Variants in HIVEP1 observed in about 807,000 individuals in gnomAD.
HIVEP1 encodes the protein HIVEP zinc finger 1, also known as zinc finger protein 40.
Under a neutral mutation model 180.0 loss-of-function variants are expected in HIVEP1, and 36 were observed. The observed-to-expected ratio is 0.20, with a 90% confidence interval of 0.15 to 0.26. The LOEUF (loss-of-function observed/expected upper bound fraction) is 0.26, where lower values mean the gene tolerates loss of function less well. Among genes scored for constraint, HIVEP1 ranks in the 10% least tolerant of loss-of-function variants. The probability of loss-of-function intolerance (pLI) is 1.00; values close to 1 mark genes in which losing one functional copy is unlikely to be tolerated. For missense variants in HIVEP1, 3,143 were observed against 3,268.7 expected (o/e 0.96, Z 0.94); for synonymous variants, 1,239 against 1,239.0 (o/e 1.00, Z 0.00).
intron 2 of HIVEP1, among the ~76,000 whole-genome samples, chr6:12,081,854 G>A (rs1188968769): frequency 2.0e-5 from 3 of 151,902 alleles, no homozygotes; most frequent in Admixed American, 1.3e-4. Context: ...CCTCTGTCCT[G>A]TCCCATAACT....
At chr6:12,037,423 T>G (rs1414000909) in intron 2 of HIVEP1, among the ~76,000 whole-genome samples, 1 of 152,218 alleles carries the variant, frequency 6.6e-6, no homozygotes, top group Non-Finnish European at 1.5e-5. Context: ...CAGCGATGAT[T>G]TTCCTGAGAC....
intron 2 of HIVEP1, among the ~76,000 whole-genome samples, chr6:12,032,356 A>C (rs1357901640): frequency 2.6e-5 from 4 of 151,896 alleles, no homozygotes; most frequent in Non-Finnish European, 4.4e-5. Context: ...GTTAGCCAGG[A>C]TGGTCTCGAT....
chr6:12,183,230 A>G, the HIVEP1 span, among the ~76,000 whole-genome samples: 1 of 152,244 alleles, frequency 6.6e-6, no homozygotes. Context: ...GGAAAACTTG[A>G]GAACAAGAGA....
chr6:12,091,347 T>A (rs934652836), intron 3 of HIVEP1, among the ~76,000 whole-genome samples: 2 of 152,128 alleles, frequency 1.3e-5, no homozygotes, highest in Admixed American at 6.5e-5. Flanking sequence ...CATTGCTTTT[T>A]AAAAAAATTA....
intron 4 of HIVEP1, among the ~76,000 whole-genome samples, chr6:12,126,208 T>C (rs1758061381): frequency 6.6e-6 from 1 of 152,248 alleles, no homozygotes; most frequent in Non-Finnish European, 1.5e-5. Context: ...TTTGTTTTTC[T>C]TGTTAAGTGA....
At chr6:12,013,251 C>G (rs1767505057) in intron 1 of HIVEP1, among the ~76,000 whole-genome samples, 1 of 152,246 alleles carries the variant, frequency 6.6e-6, no homozygotes, top group Admixed American at 6.5e-5. Flanking sequence ...TTCAGTGCAG[C>G]GTTGCAGAGG....
chr6:12,022,958 C>T (rs937886690), intron 2 of HIVEP1, among the ~76,000 whole-genome samples: 4 of 152,134 alleles, frequency 2.6e-5, no homozygotes, highest in South Asian at 2.1e-4. Flanking sequence ...CGTTTTTTGA[C>T]AGTGTTAGAT....
chr6:12,165,236 A>G (rs369018644), downstream of HIVEP1: 131 of 420,980 alleles, frequency 3.1e-4, 1 homozygote, highest in South Asian at 2.2e-3. Context: ...GACTAAATAT[A>G]TAAGAATACT....
At chr6:12,111,194 A>G (rs2113458102) in intron 3 of HIVEP1, among the ~76,000 whole-genome samples, 1 of 152,380 alleles carries the variant, frequency 6.6e-6, no homozygotes, top group South Asian at 2.1e-4. Flanking sequence ...TATTGCAAGA[A>G]TTAGAAAAAA....
chr6:12,084,764 G>A (rs1261764622), intron 2 of HIVEP1, among the ~76,000 whole-genome samples: 1 of 152,130 alleles, frequency 6.6e-6, no homozygotes, highest in African/African-American at 2.4e-5. Context: ...ACCAATGTGA[G>A]TTTTGAAGGC....
At chr6:12,083,128 T>G (rs1001858035) in intron 2 of HIVEP1, among the ~76,000 whole-genome samples, 4 of 152,176 alleles carry the variant, frequency 2.6e-5, no homozygotes, top group African/African-American at 9.7e-5. Flanking sequence ...CATAGACATA[T>G]GAGTGTATAT....
At chr6:12,100,555 T>A (rs1181231997) in intron 3 of HIVEP1, among the ~76,000 whole-genome samples, 1 of 152,206 alleles carries the variant, frequency 6.6e-6, no homozygotes, top group Non-Finnish European at 1.5e-5. Flanking sequence ...AGAACTTTCT[T>A]AGAAAAATCA....
At position 12,124,940 on chromosome 6, in the gene HIVEP1, A is replaced by G; in HGVS notation, c.5145A>G (p.Gln1715=). 1 of 1,614,064 alleles carries G rather than the reference A, an allele frequency of 6.2e-7. No homozygotes were observed. The highest frequency in any genetic ancestry group is 1.3e-5 in the African/African-American group (1 of 75,052). The change falls in exon 4 of 9, where the codon CAA becomes CAG. Residue 1715 remains glutamine, a synonymous_variant. Coordinates refer to ENST00000379388, the MANE Select transcript of HIVEP1 (RefSeq NM_002114.4). Reference sequence around the variant, plus strand: ...AAAATGTTTTTTCAGAGATGAGCCAAAATTCTTCTCTATCAGAATCCTTGC... The same window carrying G: ...AAAATGTTTTTTCAGAGATGAGCCAGAATTCTTCTCTATCAGAATCCTTGC... ...LCENVFSEMS[Q]NSSLSESLPI... is the part of the protein sequence containing the mutation.
chr6:12,136,282 T>C lies in HIVEP1; in HGVS notation c.6487+390T>C, dbSNP rs1357668730. ...TACCCTCATGCTTGAATTTCCTGCC[T>C]ACTTAACATTGATCGCTCTTCACCT... On this transcript the variant is annotated intron_variant, in intron 7 of 8. Coordinates refer to ENST00000379388, the MANE Select transcript of HIVEP1 (RefSeq NM_002114.4). Among the ~76,000 whole-genome samples the C allele has an allele frequency of 2.0e-5, 3 of 152,260 alleles. No homozygotes were observed. In the East Asian group the frequency reaches 5.8e-4, roughly 29 times the overall value.
Position 12,124,033 on chromosome 6 carries a change from T to G in HIVEP1, c.4238T>G (p.Val1413Gly). The part of the protein sequence containing the change: ...ELQPPSSPSR[V>G]GVTGHVPLLE... ...CAGCCTCCATCTTCACCTTCTCGAGTGGGAGTGACTGGGCATGTGCCTCTC... is the reference window on the plus strand; with the variant it reads ...CAGCCTCCATCTTCACCTTCTCGAGGGGGAGTGACTGGGCATGTGCCTCTC... Residue 1413 changes from valine (V) to glycine (G), a missense_variant, in exon 4 of 9, where the codon GTG becomes GGG. Val to Gly is a moderately radical substitution (Grantham distance 109). Around this residue, in one of 12 missense-constraint regions of HIVEP1, gnomAD observed 1,357 missense variants for 1,260.5 expected, o/e 1.08. Transcript: ENST00000379388. 1 of 1,613,710 alleles carries G rather than the reference T, an allele frequency of 6.2e-7. No homozygotes were observed.
chr6:12,134,983 G>T (rs1034224888), intron 6 of HIVEP1, among the ~76,000 whole-genome samples: 2 of 152,166 alleles, frequency 1.3e-5, no homozygotes, highest in Non-Finnish European at 2.9e-5. Flanking sequence ...TTTAAAAGGT[G>T]AATTCCAAGG....
rs776292825 is a variant in HIVEP1, at chr6:12,125,805, A to G, written c.6010A>G (p.Ile2004Val). Residue 2004 changes from isoleucine to valine, a missense_variant, in exon 4 of 9, where the codon ATA becomes GTA. By Grantham distance (29) the Ile-to-Val change is conservative. Around this residue, in one of 12 missense-constraint regions of HIVEP1, gnomAD observed 1,357 missense variants for 1,260.5 expected, o/e 1.08. Coordinates refer to ENST00000379388, the MANE Select transcript of HIVEP1 (RefSeq NM_002114.4). ...NTGKSLYCQA[I>V]TTHSKSDLLV... is the part of the protein sequence containing the mutation. ...TGGAAAATCACTATACTGTCAAGCA[A>G]TAACTACCCATTCCAAGTCAGACTT... 6.8e-6 allele frequency: 11 copies of G among 1,613,798 alleles called. No individual in the cohort carries two copies. Among genetic ancestry groups the G allele is most frequent in the South Asian group, 5.5e-5 (5 of 91,082 alleles).
In HIVEP1 at chr6:12,121,860, C is replaced by G. The variant is rs370977045; in HGVS notation, c.2065C>G (p.Pro689Ala). ...SESADQTVSP[P>A]TPFARRLPST... ...AAGTGCCGATCAAACAGTGAGTCCA[C>G]CAACTCCCTTTGCCAGAAGGTTACC... The change falls in exon 4 of 9, where the codon CCA (proline) becomes GCA (alanine). Residue 689 changes from proline (P) to alanine (A), a missense_variant. Pro to Ala is a conservative substitution (Grantham distance 27, BLOSUM62 -1). Around this residue, in one of 12 missense-constraint regions of HIVEP1, gnomAD observed 365 missense variants for 344.4 expected, o/e 1.06. Transcript: ENST00000379388. The surrounding 1 kb of genome is among the most constrained non-coding windows in gnomAD (Gnocchi z 5.3). 4 of 1,614,042 alleles carry G rather than the reference C, an allele frequency of 2.5e-6. No homozygotes were observed. In the African/African-American group the frequency reaches 4.0e-5, roughly 16 times the overall value.
At chr6:12,115,775 A>T (rs1481395851) in intron 3 of HIVEP1, among the ~76,000 whole-genome samples, 1 of 152,042 alleles carries the variant, frequency 6.6e-6, no homozygotes, top group African/African-American at 2.4e-5. Flanking sequence ...AAAAACAAAC[A>T]TGCAAAATGA....
Sources: allele counts gnomAD v4.1 joint callset (sites outside exome capture counted in the v4.1 genomes callset), GRCh38; gene constraint gnomAD v4.1.1; regional missense constraint gnomAD v4.1.1; non-coding constraint Gnocchi (gnomAD v3.1); transcripts MANE v1.5; gene names NCBI Gene and HGNC (gene_info 2026-07-23, HGNC 2026-07-21).